The following FADS2 variants were observed in gnomAD, a reference collection of about 807,000 sequenced individuals.
FADS2 encodes the protein acyl-CoA 6-desaturase.
Under a neutral mutation model 61.2 loss-of-function variants are expected in FADS2, and 18 were observed. That is an observed-to-expected ratio of 0.29 (90% CI 0.20 to 0.44). The LOEUF is 0.44. Among genes scored for constraint, FADS2 ranks in the 20% least tolerant of loss-of-function variants. FADS2 has a pLI of 1.00. For missense variants in FADS2, 322 were observed against 572.7 expected (o/e 0.56, Z 4.47); for synonymous variants, 203 against 223.9 (o/e 0.91, Z 0.83).
At chr11:61,820,719 G>A (rs954038600) in intron 1 of FADS2, among the ~76,000 whole-genome samples, 1 of 151,988 alleles carries the variant, frequency 6.6e-6, no homozygotes, top group African/African-American at 2.4e-5. Context: ...GGCCAACACG[G>A]TGAAACCCTG....
At chr11:61,845,784 CAAAAAAAAA>C (rs548433908) in intron 4 of FADS2, among the ~76,000 whole-genome samples, 2 of 84,096 alleles carry the variant, frequency 2.4e-5, no homozygotes, top group Non-Finnish European at 5.6e-5. Flanking sequence ...AACTCTGTCT[CAAAAAAAAA>C]AAAAAAAAAA....
At chr11:61,857,595 G>C (rs896208717) in intron 7 of FADS2, 65 bp downstream of exon 7, 2 of 1,395,816 alleles carry the variant, frequency 1.4e-6, no homozygotes, top group Admixed American at 1.7e-5. Flanking sequence ...GGACCCGGGG[G>C]TCCTACGCTG....
Position 61,865,285 on chromosome 11 carries a change from G to C in FADS2, c.1283+8G>C, listed in dbSNP as rs2067458074. 1 of 1,612,516 alleles carries C rather than the reference G, an allele frequency of 6.2e-7. No homozygotes were observed. The highest frequency in any genetic ancestry group is 2.2e-5 in the East Asian group (1 of 44,882). On this transcript the variant is annotated splice_region_variant and intron_variant, in intron 11 of 11. Coordinates refer to ENST00000278840, the MANE Select transcript of FADS2 (RefSeq NM_004265.4). This position sits in a 1 kb window ranked among gnomAD's most constrained non-coding sequence, Gnocchi z 4.1. The stretch of plus-strand genomic sequence containing the variant: ...CCTGCTGGACATCATCAGGTGAGGG[G>C]TGGAGGTCCACAGGCGCTGGGCCCT...
Position 61,856,654 on chromosome 11 carries a change from G to A in FADS2, c.745-357G>A, listed in dbSNP as rs1056455397. 12 of 271,490 alleles carry A rather than the reference G, an allele frequency of 4.4e-5. No individual in the cohort carries two copies. In the Admixed American group the frequency reaches 5.1e-4, roughly 11 times the overall value. The allele number at this position is 271,490 out of a possible 1,614,324, so 16.8% of individuals were successfully genotyped here. A position where few individuals can be genotyped will look rare whatever the true frequency, so the allele number is the denominator to read the frequency against. Reference sequence around the variant, plus strand: ...ACATTTGTTTAGTGCCTGTCACATGGGCTCAGAGTCAGCTTTTTGGGTTCT... The same window carrying A: ...ACATTTGTTTAGTGCCTGTCACATGAGCTCAGAGTCAGCTTTTTGGGTTCT... On this transcript the variant is annotated intron_variant, in intron 5 of 11. Coordinates refer to ENST00000278840, the MANE Select transcript of FADS2 (RefSeq NM_004265.4).
intron 5 of FADS2, chr11:61,855,900 G>T: frequency 6.6e-6 from 1 of 152,460 alleles, no homozygotes. Flanking sequence ...GGTATAGGGA[G>T]GGTGACGGGC....
At chr11:61,844,892 T>G (rs2067244771) in intron 4 of FADS2, among the ~76,000 whole-genome samples, 1 of 144,700 alleles carries the variant, frequency 6.9e-6, no homozygotes, top group Admixed American at 7.0e-5. Flanking sequence ...ATCACTGCCC[T>G]CCAGCCTGGG....
intron 5 of FADS2, among the ~76,000 whole-genome samples, chr11:61,853,040 G>A (rs1178953911): frequency 9.2e-5 from 14 of 151,932 alleles, no homozygotes; most frequent in Admixed American, 3.9e-4. Flanking sequence ...CTGTAGTCTC[G>A]GCTACTCTGG....
In FADS2 at chr11:61,859,496, C is replaced by G. The variant is rs149662551; in HGVS notation, c.882+1966C>G. ...CTAACTCCATTTGGAGGTGTCCCAG[C>G]CATTGCAAATCCAACATATTCAATG... On this transcript the variant is annotated intron_variant, in intron 7 of 11. Coordinates refer to ENST00000278840, the MANE Select transcript of FADS2 (RefSeq NM_004265.4). Among the ~76,000 whole-genome samples, 361 of 152,316 alleles carry G rather than the reference C, an allele frequency of 2.4e-3. 3 individuals carry two copies. Among genetic ancestry groups the G allele is most frequent in the African/African-American group, 8.0e-3 (333 of 41,560 alleles).
chr11:61,833,741 G>A (rs991482819), intron 1 of FADS2, among the ~76,000 whole-genome samples: 3 of 152,244 alleles, frequency 2.0e-5, no homozygotes, highest in Non-Finnish European at 2.9e-5. Flanking sequence ...TGGGGATGCC[G>A]GAGAAGGCTT....
In FADS2 at chr11:61,857,013, C is replaced by T. The variant is rs143661125; in HGVS notation, c.747C>T (p.Tyr249=). The change falls in exon 6 of 12, where the codon TAC becomes TAT. Residue 249 remains tyrosine, a splice_region_variant and synonymous_variant. Coordinates refer to ENST00000278840, the MANE Select transcript of FADS2 (RefSeq NM_004265.4). ...FVLGEWQPIE[Y]GKKKLKYLPY... ...CATGATCTCTCCTCTCTCCTCAGTA[C>T]GGCAAGAAGAAGCTGAAATACCTGC... is the stretch of plus-strand genomic sequence containing the variant. The T allele has an allele frequency of 5.9e-5, 96 of 1,613,540 alleles. No homozygotes were observed. The highest frequency in any genetic ancestry group is 8.0e-5 in the African/African-American group (6 of 75,004).
In FADS2 at chr11:61,857,197, G is replaced by A. The variant is rs1273575457; in HGVS notation, c.805+126G>A. ...GACACTAAACTTGTTAGAAGCGGGGGCCACAGCAGCCTTGCTGTGCAGACC... is the reference window on the plus strand; with the variant it reads ...GACACTAAACTTGTTAGAAGCGGGGACCACAGCAGCCTTGCTGTGCAGACC... On this transcript the variant is annotated intron_variant, in intron 6 of 11. Transcript: ENST00000278840. 15 of 862,742 alleles carry A rather than the reference G, an allele frequency of 1.7e-5. No individual in the cohort carries two copies. The Admixed American group carries it at 2.8e-4, about 16-fold the overall frequency. The allele number at this position is 862,742 out of a possible 1,614,324, so 53.4% of individuals were successfully genotyped here. A position where few individuals can be genotyped will look rare whatever the true frequency, so the allele number is the denominator to read the frequency against.
chr11:61,833,907 G>T (rs890340137), intron 1 of FADS2, among the ~76,000 whole-genome samples: 1 of 152,218 alleles, frequency 6.6e-6, no homozygotes. Context: ...ATTAGGCCCC[G>T]TTACAGGCAC....
intron 5 of FADS2, 137 bp from the exon 6 acceptor site, chr11:61,856,874 G>C: frequency 1.3e-6 from 1 of 760,128 alleles, no homozygotes; most frequent in South Asian, 1.6e-5. Flanking sequence ...GGTGGGCCCA[G>C]GGTGCAGATT....
intron 1 of FADS2, among the ~76,000 whole-genome samples, 169 bp from the exon 2 acceptor site, chr11:61,837,609 C>T (rs1322297511): frequency 2.0e-5 from 3 of 152,220 alleles, no homozygotes; most frequent in African/African-American, 7.2e-5. Context: ...GCACTGAGGG[C>T]TCTGTCCTGG....
intron 1 of FADS2, among the ~76,000 whole-genome samples, chr11:61,820,098 G>T (rs932729991): frequency 6.6e-6 from 1 of 151,796 alleles, no homozygotes; most frequent in African/African-American, 2.4e-5. Flanking sequence ...CCAGCTACTT[G>T]GGAGGCTGAG....
chr11:61,863,552 C>G (rs2067435205), intron 9 of FADS2, among the ~76,000 whole-genome samples, 155 bp from the exon 10 acceptor site: 1 of 152,126 alleles, frequency 6.6e-6, no homozygotes, highest in Admixed American at 6.5e-5. Context: ...CCCAGAGGGA[C>G]AGGTGGGGCA....
chr11:61,865,694 A>G lies in FADS2; in HGVS notation c.*5A>G, dbSNP rs780499735. ...GACGCCTACCTTCACAAATGAAGCC[A>G]CAGCCCCCGGGACACCGTGGGGAAG... On this transcript the variant is annotated 3_prime_UTR_variant, in exon 12 of 12. Transcript: ENST00000278840. The surrounding 1 kb of genome is among the most constrained non-coding windows in gnomAD (Gnocchi z 4.1). 4 of 1,610,244 alleles carry G rather than the reference A, an allele frequency of 2.5e-6. No homozygotes were observed. Among genetic ancestry groups the G allele is most frequent in the South Asian group, 1.1e-5 (1 of 90,386 alleles).
chr11:61,840,228 C>T (rs1012884568), intron 2 of FADS2, 106 bp from the exon 3 acceptor site: 8 of 953,186 alleles, frequency 8.4e-6, no homozygotes, highest in Non-Finnish European at 1.3e-5. Flanking sequence ...CCTCTTGCCA[C>T]AGCTTCTCTG....
chr11:61,862,619 G>A lies in FADS2; in HGVS notation c.883-353G>A, dbSNP rs563501686. On this transcript the variant is annotated intron_variant, in intron 7 of 11. Transcript: ENST00000278840. ...GAGGGACAGGACTGGGGGACGGTTG[G>A]GGACCTGGCCCCGGGTTGGGGGCGC... 25 of 307,052 alleles carry A rather than the reference G, an allele frequency of 8.1e-5. 1 individual carries two copies. In the Middle Eastern group the frequency reaches 3.4e-3, roughly 42 times the overall value. 19.0% of individuals were successfully genotyped at this position (307,052 alleles called of 1,614,324 possible).
Sources: allele counts gnomAD v4.1 joint callset (sites outside exome capture counted in the v4.1 genomes callset), GRCh38; gene constraint gnomAD v4.1.1; non-coding constraint Gnocchi (gnomAD v3.1); transcripts MANE v1.5; gene names NCBI Gene and HGNC (gene_info 2026-07-23, HGNC 2026-07-21).